Variants in TJP1 observed in about 807,000 individuals in gnomAD.
The protein encoded by TJP1 is tight junction protein ZO-1.
TJP1 carries 43 observed loss-of-function variants against 194.2 expected under a neutral mutation model. The ratio of observed to expected loss-of-function variants is 0.22; its 90% CI spans 0.17 to 0.29. The LOEUF (loss-of-function observed/expected upper bound fraction) is 0.29, where lower values mean the gene tolerates loss of function less well. Among genes scored for constraint, TJP1 ranks in the 10% least tolerant of loss-of-function variants. The pLI is 1.00. For missense variants in TJP1, 1,971 were observed against 2,185.7 expected (o/e 0.90, Z 1.96); for synonymous variants, 801 against 779.0 (o/e 1.03, Z -0.47).
chr15:29,770,762 G>A (rs979595748), intron 4 of TJP1, among the ~76,000 whole-genome samples: 2 of 151,760 alleles, frequency 1.3e-5, no homozygotes, highest in Non-Finnish European at 2.9e-5. Flanking sequence ...TTGTTATTAC[G>A]AGAGTCAAAA....
rs1423578798 is a variant in TJP1 at position 29,710,860 on chromosome 15, T to C, written c.4343A>G (p.His1448Arg). The C allele has an allele frequency of 1.9e-6, 3 of 1,614,098 alleles. No homozygotes were observed. Among genetic ancestry groups the C allele is most frequent in the Non-Finnish European group, 2.5e-6 (3 of 1,180,030 alleles). Residue 1448 changes from histidine to arginine, a missense_variant, in exon 24 of 28, where the codon CAC becomes CGC. Around this residue, in one of 5 missense-constraint regions of TJP1, gnomAD observed 1,108 missense variants for 1,128.5 expected, o/e 0.98. Transcript: ENST00000614355. The stretch of plus-strand genomic sequence containing the variant: ...ACCATGTGCTCCCTTAGAATGTATG[T>C]GGAGAGACGCGCTGGTGACAGGCTG... ...PSQPVTSASL[H>R]IHSKGAHGEG...
At chr15:29,886,657 C>A (rs188890224) in intron 2 of TJP1, among the ~76,000 whole-genome samples, 77 of 149,716 alleles carry the variant, frequency 5.1e-4, no homozygotes, top group African/African-American at 1.8e-3. Flanking sequence ...CCAGATACTA[C>A]CAGTTTGAAA....
At position 29,741,453 on chromosome 15, in the gene TJP1, T is replaced by C. The variant is rs771195925; in HGVS notation, c.1151-17A>G. 1.5e-5 allele frequency: 23 copies of C among 1,531,696 alleles called. No homozygotes were observed. The highest frequency in any genetic ancestry group is 2.1e-5 in the Non-Finnish European group (23 of 1,110,024). The allele number at this position is 1,531,696 out of a possible 1,614,324, so 94.9% of individuals were successfully genotyped here. ...GCTTTGGTTCTAAGAAAAAAAAAATTGAGTAGGACTCACTTTAGAAAAACA... is the reference window on the plus strand; with the variant it reads ...GCTTTGGTTCTAAGAAAAAAAAAATCGAGTAGGACTCACTTTAGAAAAACA... On this transcript the variant is annotated splice_polypyrimidine_tract_variant and intron_variant, in intron 9 of 27. Coordinates refer to ENST00000614355, the MANE Select transcript of TJP1 (RefSeq NM_001330239.4).
At position 29,710,926 on chromosome 15, in the gene TJP1, G is replaced by A. The variant is rs1459723736; in HGVS notation, c.4277C>T (p.Pro1426Leu). Residue 1426 changes from proline to leucine, a missense_variant, in exon 24 of 28, where the codon CCC becomes CTC. Pro to Leu is a moderately conservative substitution (Grantham distance 98). Around this residue, in one of 5 missense-constraint regions of TJP1, gnomAD observed 1,108 missense variants for 1,128.5 expected, o/e 0.98. Transcript: ENST00000614355. ...CTGCGAGGGCAATGGAGGAGGAGGG[G>A]GAGTGGCCTGGATGGGTTCATAGCG... Reference protein sequence around the residue: ...EKRYEPIQATPPPPPLPSQYA... With the variant: ...EKRYEPIQATLPPPPLPSQYA... 3 of 1,614,166 alleles carry A rather than the reference G, an allele frequency of 1.9e-6. No homozygotes were observed. The highest frequency in any genetic ancestry group is 2.2e-5 in the South Asian group (2 of 91,074).
At chr15:29,887,721 T>C (rs1225485995) in intron 2 of TJP1, among the ~76,000 whole-genome samples, 1 of 152,220 alleles carries the variant, frequency 6.6e-6, no homozygotes, top group Non-Finnish European at 1.5e-5. Context: ...TAAACTTCTA[T>C]TTTTATTTTT....
chr15:29,754,165 G>C (rs1409610217), intron 8 of TJP1, among the ~76,000 whole-genome samples: 1 of 152,094 alleles, frequency 6.6e-6, no homozygotes, highest in East Asian at 1.9e-4. Flanking sequence ...AAGAAAATGT[G>C]GTACATATAC....
At chr15:29,849,149 T>C (rs2051536553) in intron 2 of TJP1, among the ~76,000 whole-genome samples, 1 of 152,162 alleles carries the variant, frequency 6.6e-6, no homozygotes, top group Non-Finnish European at 1.5e-5. Context: ...GAATAACTAG[T>C]AGGCTTGACC....
chr15:29,717,412 G>A (rs888651608), intron 22 of TJP1, among the ~76,000 whole-genome samples: 8 of 152,214 alleles, frequency 5.3e-5, no homozygotes, highest in South Asian at 2.1e-4. Context: ...AAAATCAGAA[G>A]AGCTGTATTC....
At chr15:29,844,214 G>A (rs191601822) in intron 2 of TJP1, among the ~76,000 whole-genome samples, 13 of 152,292 alleles carry the variant, frequency 8.5e-5, no homozygotes, top group African/African-American at 3.1e-4. Context: ...GGGACTACAG[G>A]CATGCATCAC....
At chr15:29,731,035 A>T in intron 15 of TJP1, 1 of 970,374 alleles carries the variant, frequency 1.0e-6, no homozygotes, top group Non-Finnish European at 1.6e-6. Flanking sequence ...GTACAGTTTG[A>T]AATACTTTTA....
At position 29,768,349 on chromosome 15, in the gene TJP1, G is replaced by C. The variant is rs115790171; in HGVS notation, c.313-1807C>G. Among the ~76,000 whole-genome samples, 762 of 152,290 alleles carry C rather than the reference G, an allele frequency of 5.0e-3. 6 individuals are homozygous for C. The highest frequency in any genetic ancestry group is 0.017 in the African/African-American group (707 of 41,560). On this transcript the variant is annotated intron_variant, in intron 4 of 27. Coordinates refer to ENST00000614355, the MANE Select transcript of TJP1 (RefSeq NM_001330239.4). ...CTTATAGGGTAATATTTTCTGTAAA[G>C]CATTCCTAATGCTAGCTGCCTGCTT...
chr15:29,718,171 T>C (rs2042685940), intron 21 of TJP1, 53 bp from the exon 22 acceptor site: 1 of 1,577,804 alleles, frequency 6.3e-7, no homozygotes. Flanking sequence ...GAACAGATAA[T>C]TAACAGAATA....
At chr15:29,959,100 C>T (rs1178352340) in intron 1 of TJP1, among the ~76,000 whole-genome samples, 1 of 151,974 alleles carries the variant, frequency 6.6e-6, no homozygotes, top group Non-Finnish European at 1.5e-5. Flanking sequence ...CGCCATTCTC[C>T]TGCCTCAGCC....
chr15:29,730,420 A>AAAT (rs373108847), intron 15 of TJP1, among the ~76,000 whole-genome samples: 2,205 of 150,676 alleles, frequency 0.015, 17 homozygotes, highest in African/African-American at 0.025. Flanking sequence ...GTTTCTACAA[A>AAAT]AATAATAATA....
rs761859887 is a variant in TJP1, at chr15:29,772,048, G to C, written c.312+16C>G. ...GTTGGGGTACCTTTACTAAATTACA[G>C]AGAAAAGATACTTACAATTTTTGCA... On this transcript the variant is annotated intron_variant, in intron 4 of 27. Transcript: ENST00000614355. 6.5e-7 allele frequency: 1 copy of C among 1,528,866 alleles called. No homozygotes were observed. Among genetic ancestry groups the C allele is most frequent in the Admixed American group, 1.9e-5 (1 of 51,664 alleles). The allele number at this position is 1,528,866 out of a possible 1,614,324, so 94.7% of individuals were successfully genotyped here.
chr15:29,932,027 T>TGGTG (rs2054732555), intron 2 of TJP1, among the ~76,000 whole-genome samples: 2 of 152,206 alleles, frequency 1.3e-5, no homozygotes, highest in Admixed American at 1.3e-4. Context: ...ATCTTGGTTT[T>TGGTG]GGTGGGATTT....
At chr15:29,852,523 C>G (rs142156472) in intron 2 of TJP1, among the ~76,000 whole-genome samples, 325 of 152,282 alleles carry the variant, frequency 2.1e-3, no homozygotes, top group African/African-American at 7.5e-3. Flanking sequence ...TATAGTACAG[C>G]CACTCTGGAA....
At chr15:29,841,230 C>T (rs1378690058) in intron 2 of TJP1, among the ~76,000 whole-genome samples, 2 of 152,138 alleles carry the variant, frequency 1.3e-5, no homozygotes, top group Admixed American at 6.6e-5. Context: ...GCTGAAACCC[C>T]GTGTCCTTAT....
intron 15 of TJP1, 51 bp from the exon 16 acceptor site, chr15:29,728,070 A>G (rs1048674987): frequency 2.0e-6 from 3 of 1,513,278 alleles, no homozygotes; most frequent in Non-Finnish European, 2.8e-6. Flanking sequence ...CACTGGTTAG[A>G]CAGGAGTTTC....
Sources: allele counts gnomAD v4.1 joint callset (sites outside exome capture counted in the v4.1 genomes callset), GRCh38; gene constraint gnomAD v4.1.1; regional missense constraint gnomAD v4.1.1; transcripts MANE v1.5; gene names NCBI Gene and HGNC (gene_info 2026-07-23, HGNC 2026-07-21).